Variants in ATP2B2 observed in about 807,000 individuals in gnomAD.
ATP2B2 encodes the protein plasma membrane calcium-transporting ATPase 2.
A neutral mutation model predicts 120.0 loss-of-function variants in ATP2B2; 15 were observed. The ratio of observed to expected loss-of-function variants is 0.12; its 90% CI spans 0.08 to 0.19. The LOEUF (loss-of-function observed/expected upper bound fraction) is 0.19. ATP2B2 is among the 10% of genes least tolerant of loss of function. The probability of loss-of-function intolerance (pLI) is 1.00; values close to 1 mark genes in which losing one functional copy is unlikely to be tolerated. For synonymous variants in ATP2B2, 694 were observed against 700.3 expected (o/e 0.99, Z 0.14); for missense variants, 1,045 against 1,719.8 (o/e 0.61, Z 6.94).
chr3:10,436,369 C>T (rs559645401), intron 2 of ATP2B2, among the ~76,000 whole-genome samples: 1 of 152,336 alleles, frequency 6.6e-6, no homozygotes, highest in African/African-American at 2.4e-5. Flanking sequence ...TGGTGTGCGG[C>T]TGCGCCTCTC....
chr3:10,564,261 C>G (rs1345068036), intron 2 of ATP2B2, among the ~76,000 whole-genome samples: 1 of 152,204 alleles, frequency 6.6e-6, no homozygotes, highest in Non-Finnish European at 1.5e-5. Context: ...CTGGGCTGTC[C>G]TATTTGGCTT....
At chr3:10,577,672 A>C (rs890380762) in intron 2 of ATP2B2, among the ~76,000 whole-genome samples, 1 of 152,208 alleles carries the variant, frequency 6.6e-6, no homozygotes, top group Non-Finnish European at 1.5e-5. Context: ...CACAATGTAG[A>C]TGGTGTCCTG....
intron 1 of ATP2B2, among the ~76,000 whole-genome samples, chr3:10,686,353 G>C (rs755379610): frequency 6.6e-6 from 1 of 152,080 alleles, no homozygotes; most frequent in African/African-American, 2.4e-5. Flanking sequence ...TATCACGTCT[G>C]TTTTTAAAAG....
intron 12 of ATP2B2, among the ~76,000 whole-genome samples, chr3:10,361,544 C>T: frequency 6.6e-6 from 1 of 152,224 alleles, no homozygotes; most frequent in East Asian, 1.9e-4. Flanking sequence ...CGTGTGAACA[C>T]CATTAGCTCC....
At chr3:10,494,799 G>A (rs940321376) in intron 1 of ATP2B2, among the ~76,000 whole-genome samples, 2 of 152,130 alleles carry the variant, frequency 1.3e-5, no homozygotes, top group Admixed American at 6.5e-5. Flanking sequence ...CACCACCCTC[G>A]GCATTGGGTG....
intron 1 of ATP2B2, among the ~76,000 whole-genome samples, chr3:10,630,731 T>A (rs2069839251): frequency 6.6e-6 from 1 of 152,158 alleles, no homozygotes; most frequent in Non-Finnish European, 1.5e-5. Context: ...CACTTAAAAC[T>A]TTATAAAGCA....
intron 2 of ATP2B2, among the ~76,000 whole-genome samples, chr3:10,595,331 G>C (rs758762011): frequency 1.3e-5 from 2 of 152,210 alleles, no homozygotes; most frequent in Non-Finnish European, 2.9e-5. Context: ...AGATATTCCA[G>C]TGGGCATCTC....
intron 1 of ATP2B2, among the ~76,000 whole-genome samples, chr3:10,692,672 C>G (rs910901364): frequency 2.6e-5 from 4 of 152,206 alleles, no homozygotes; most frequent in African/African-American, 9.7e-5. Context: ...CCGGCCTCCC[C>G]AGGGCAACAC....
chr3:10,534,999 G>A (rs903863851), intron 2 of ATP2B2, among the ~76,000 whole-genome samples: 1 of 147,844 alleles, frequency 6.8e-6, no homozygotes, highest in African/African-American at 2.5e-5. Context: ...TGCCTCCCGG[G>A]TTCAAGCGAT....
chr3:10,392,997 C>T (rs73113621), intron 5 of ATP2B2, among the ~76,000 whole-genome samples: 3,516 of 152,318 alleles, frequency 0.023, 138 homozygotes, highest in African/African-American at 0.076. Context: ...TGGCGCCCCC[C>T]TTCCCCAGCT....
chr3:10,360,206 A>T, intron 12 of ATP2B2, 83 bp from the exon 13 acceptor site: 2 of 1,505,768 alleles, frequency 1.3e-6, no homozygotes, highest in Non-Finnish European at 1.8e-6. Context: ...AGGCTCTGGG[A>T]CTGCCACTTA....
intron 1 of ATP2B2, 23 bp from the exon 2 acceptor site, chr3:10,449,885 G>A: frequency 2.5e-6 from 1 of 396,620 alleles, no homozygotes; most frequent in South Asian, 2.2e-5. Context: ...CACAGAGTGA[G>A]TGACAAAGGC....
chr3:10,603,227 G>A (rs1001547907), intron 2 of ATP2B2, among the ~76,000 whole-genome samples: 1 of 152,174 alleles, frequency 6.6e-6, no homozygotes. Context: ...TCATCCCCCT[G>A]GGGTAGAGGC....
chr3:10,590,641 T>C (rs905623391), intron 2 of ATP2B2, among the ~76,000 whole-genome samples: 1 of 152,230 alleles, frequency 6.6e-6, no homozygotes, highest in African/African-American at 2.4e-5. Flanking sequence ...AGTGGAAGAC[T>C]GCTCTCAGTG....
chr3:10,413,086 C>T (rs997243256), intron 2 of ATP2B2, among the ~76,000 whole-genome samples: 1 of 137,788 alleles, frequency 7.3e-6, no homozygotes, highest in Non-Finnish European at 1.6e-5. Flanking sequence ...TGTTCATTGC[C>T]TCTTCACCCA....
At chr3:10,619,059 C>T (rs1476735788) in intron 2 of ATP2B2, among the ~76,000 whole-genome samples, 1 of 152,158 alleles carries the variant, frequency 6.6e-6, no homozygotes, top group African/African-American at 2.4e-5. Flanking sequence ...CACACACCCA[C>T]CCCCAAGGCT....
In ATP2B2 at chr3:10,561,503, T is replaced by C. The variant is rs556335884; in HGVS notation, c.-414-27370A>G. ...ATCCTCATTTTACAGATGAAGAAGT[T>C]GAGGCTCAGAGAGGTGAAGTGATTT... On this transcript the variant is annotated intron_variant, in intron 2 of 21. Coordinates refer to the ATP2B2 transcript ENST00000646379. 5.9e-5 allele frequency among the ~76,000 whole-genome samples: 9 copies of C among 152,276 alleles called. No homozygotes were observed. The South Asian group carries it at 1.2e-3, about 21-fold the overall frequency.
At chr3:10,488,508 T>C (rs2065811944) in intron 1 of ATP2B2, among the ~76,000 whole-genome samples, 1 of 26,154 alleles carries the variant, frequency 3.8e-5, no homozygotes, top group Non-Finnish European at 8.2e-5. Context: ...CCTTCCTTCG[T>C]TCCTTCCTTC....
intron 1 of ATP2B2, among the ~76,000 whole-genome samples, chr3:10,664,665 A>G (rs1420384258): frequency 1.3e-5 from 2 of 152,110 alleles, no homozygotes; most frequent in Non-Finnish European, 2.9e-5. Flanking sequence ...TGTTGGGCGC[A>G]TTTTTAATAT....
Sources: gnomAD v4.1 joint callset for allele counts (sites outside exome capture counted in the v4.1 genomes callset) on GRCh38, gnomAD v4.1.1 for gene constraint, MANE v1.5 for transcripts, NCBI Gene and HGNC (gene_info 2026-07-23, HGNC 2026-07-21) for gene names.